The following AGBL4 variants were observed in gnomAD, a reference collection of about 807,000 sequenced individuals.
The protein encoded by AGBL4 is AGBL carboxypeptidase 4, also known as cytosolic carboxypeptidase 6.
A neutral mutation model predicts 66.4 loss-of-function variants in AGBL4; 58 were observed. The ratio of observed to expected loss-of-function variants is 0.87; its 90% CI spans 0.71 to 1.09. AGBL4 has a LOEUF of 1.09. Ranked by LOEUF, AGBL4 falls within the 50% of genes least tolerant of loss-of-function variation. AGBL4 has a pLI of 0.00. For missense variants in AGBL4, 579 were observed against 631.0 expected (o/e 0.92, Z 0.88); for synonymous variants, 234 against 222.9 (o/e 1.05, Z -0.44).
chr1:48,866,695 T>A (rs1648126140), intron 6 of AGBL4, among the ~76,000 whole-genome samples: 1 of 152,194 alleles, frequency 6.6e-6, no homozygotes, highest in Non-Finnish European at 1.5e-5. Flanking sequence ...GTCACAGCTT[T>A]TTGGGTGGAC....
At chr1:48,560,755 C>T (rs1644384670) in intron 11 of AGBL4, among the ~76,000 whole-genome samples, 1 of 152,164 alleles carries the variant, frequency 6.6e-6, no homozygotes, top group Admixed American at 6.5e-5. Context: ...CAATTATGGA[C>T]ACCTACTGTG....
intron 2 of AGBL4, among the ~76,000 whole-genome samples, chr1:49,760,129 C>T (rs1198049723): frequency 1.3e-5 from 2 of 151,882 alleles, no homozygotes; most frequent in Non-Finnish European, 2.9e-5. Flanking sequence ...TATCCTTTGC[C>T]ACTTTTTGAT....
intron 3 of AGBL4, among the ~76,000 whole-genome samples, chr1:49,692,751 G>T (rs1004328957): frequency 1.3e-5 from 2 of 151,260 alleles, no homozygotes; most frequent in Admixed American, 1.3e-4. Context: ...AACTTTCTCA[G>T]AATCTTAAAG....
At chr1:49,212,291 CTAGAT>C (rs1570086977) in intron 4 of AGBL4, among the ~76,000 whole-genome samples, 1 of 152,258 alleles carries the variant, frequency 6.6e-6, no homozygotes, top group East Asian at 1.9e-4. Context: ...GATCACTAGA[CTAGAT>C]ATGAATCTTA....
intron 1 of AGBL4, among the ~76,000 whole-genome samples, chr1:49,878,117 G>T: frequency 6.8e-6 from 1 of 147,794 alleles, no homozygotes. Flanking sequence ...CCAGCTCCTG[G>T]ATTCACTGAT....
intron 3 of AGBL4, among the ~76,000 whole-genome samples, chr1:49,693,990 TCCTGGGATA>T (rs1251658524): frequency 6.6e-6 from 1 of 152,158 alleles, no homozygotes; most frequent in South Asian, 2.1e-4. Flanking sequence ...AATATATCAG[TCCTGGGATA>T]CAACACCATA....
At chr1:48,527,095 G>C in the AGBL4 span, among the ~76,000 whole-genome samples, 1 of 152,132 alleles carries the variant, frequency 6.6e-6, no homozygotes, top group Admixed American at 6.5e-5. Context: ...CCATAATTAG[G>C]ATTCAGTTAT....
chr1:48,998,804 G>T (rs1335776589), intron 5 of AGBL4, among the ~76,000 whole-genome samples: 2 of 152,188 alleles, frequency 1.3e-5, no homozygotes, highest in Non-Finnish European at 2.9e-5. Flanking sequence ...TTAAGTCACA[G>T]TACTGTTGGG....
At chr1:48,866,974 C>T (rs1262247027) in intron 6 of AGBL4, among the ~76,000 whole-genome samples, 1 of 152,130 alleles carries the variant, frequency 6.6e-6, no homozygotes, top group Non-Finnish European at 1.5e-5. Context: ...AGCCCTGCCA[C>T]CCATAGTCAA....
intron 3 of AGBL4, among the ~76,000 whole-genome samples, chr1:49,326,402 A>T (rs1180480458): frequency 1.3e-5 from 2 of 152,164 alleles, no homozygotes; most frequent in African/African-American, 4.8e-5. Context: ...TTTCCCTGTC[A>T]TGAGGTTAAT....
At chr1:49,739,054 A>C (rs901337553) in intron 2 of AGBL4, among the ~76,000 whole-genome samples, 6 of 152,224 alleles carry the variant, frequency 3.9e-5, no homozygotes, top group Admixed American at 1.3e-4. Flanking sequence ...AGCTGGATGG[A>C]GAATGACTTT....
At chr1:48,603,612 T>C (rs1485490890) in intron 9 of AGBL4, among the ~76,000 whole-genome samples, 2 of 152,130 alleles carry the variant, frequency 1.3e-5, no homozygotes, top group Non-Finnish European at 2.9e-5. Flanking sequence ...GAATTTTCCC[T>C]ATAAAACGGA....
chr1:49,997,410 T>G (rs1660447707), intron 1 of AGBL4, among the ~76,000 whole-genome samples: 1 of 152,172 alleles, frequency 6.6e-6, no homozygotes, highest in Admixed American at 6.5e-5. Flanking sequence ...GTAGCTATTC[T>G]TATATCAGAC....
chr1:49,013,192 C>A (rs1662579623), intron 5 of AGBL4, among the ~76,000 whole-genome samples: 1 of 152,146 alleles, frequency 6.6e-6, no homozygotes. Flanking sequence ...AGCATGACAG[C>A]AAATAACCAA....
At chr1:49,061,591 A>G (rs1442613799) in intron 4 of AGBL4, among the ~76,000 whole-genome samples, 1 of 152,164 alleles carries the variant, frequency 6.6e-6, no homozygotes, top group African/African-American at 2.4e-5. Context: ...TTACTGTGGT[A>G]GTGTGACCAG....
intron 4 of AGBL4, 101 bp from the exon 5 acceptor site, chr1:49,045,901 A>G: frequency 2.0e-6 from 2 of 979,734 alleles, no homozygotes. Context: ...CTGTAACATC[A>G]AGAACCATGG....
chr1:48,709,439 A>G (rs72902871), intron 6 of AGBL4, among the ~76,000 whole-genome samples: 2,680 of 151,828 alleles, frequency 0.018, 79 homozygotes, highest in African/African-American at 0.061. Context: ...AAACACATAC[A>G]CTAATCTAAA....
chr1:48,949,758 C>T (rs969167793), intron 5 of AGBL4, among the ~76,000 whole-genome samples: 2 of 152,216 alleles, frequency 1.3e-5, no homozygotes, highest in African/African-American at 4.8e-5. Context: ...ACCCAGTAAG[C>T]TCCTCACTGG....
At chr1:49,864,734 T>C (rs1646659364) in intron 1 of AGBL4, among the ~76,000 whole-genome samples, 1 of 152,162 alleles carries the variant, frequency 6.6e-6, no homozygotes, top group African/African-American at 2.4e-5. Flanking sequence ...TGCAGATTCT[T>C]GGCAGTAGTT....
Sources: allele counts gnomAD v4.1 joint callset (sites outside exome capture counted in the v4.1 genomes callset), GRCh38; gene constraint gnomAD v4.1.1; transcripts MANE v1.5; gene names NCBI Gene and HGNC (gene_info 2026-07-23, HGNC 2026-07-21).